ATP2C1: variants seen among roughly 807,000 people sequenced by gnomAD.
The protein encoded by ATP2C1 is ATPase secretory pathway Ca2+ transporting 1, also known as calcium-transporting ATPase type 2C member 1.
A neutral mutation model predicts 120.5 loss-of-function variants in ATP2C1; 31 were observed. That is an observed-to-expected ratio of 0.26 (90% CI 0.19 to 0.35). The LOEUF is 0.35. Ranked by LOEUF, ATP2C1 falls within the 10% of genes least tolerant of loss-of-function variation. ATP2C1 has a pLI of 1.00. For synonymous variants in ATP2C1, 351 were observed against 358.7 expected, an observed-to-expected ratio of 0.98 and a Z score of 0.24; for missense variants, 731 against 1,107.5, an observed-to-expected ratio of 0.66 and a Z score of 4.83.
chr3:130,963,591 G>C, intron 12 of ATP2C1: 1 of 235,560 alleles, frequency 4.2e-6, no homozygotes, highest in South Asian at 5.7e-5. Context: ...TGGCTATCGT[G>C]AATAGTGTTG....
At chr3:130,893,887 T>C (rs1042331621), upstream of ATP2C1, 27 of 980,102 alleles carry the variant, frequency 2.8e-5, 1 homozygote, top group East Asian at 1.1e-4. Context: ...ACCCAAACAT[T>C]GTCCATTCCG....
chr3:131,016,328 GCTC>G, exon 27 of ATP2C1: 5 of 1,614,098 alleles, frequency 3.1e-6, no homozygotes, highest in African/African-American at 1.3e-5. Flanking sequence ...TCTTCCTGCA[GCTC>G]TTCCTTACCT....
chr3:131,013,995 G>T, intron 26 of ATP2C1: 1 of 1,234,264 alleles, frequency 8.1e-7, no homozygotes, highest in Non-Finnish European at 1.1e-6. Flanking sequence ...TTCAAGGGTG[G>T]TAACGGAAGA....
downstream of ATP2C1, among the ~76,000 whole-genome samples, chr3:131,004,965 G>A (rs1025889662): frequency 1.3e-5 from 2 of 152,274 alleles, no homozygotes; most frequent in African/African-American, 4.8e-5. Flanking sequence ...TTTTTGTATC[G>A]TAACATGCTG....
intron 26 of ATP2C1, among the ~76,000 whole-genome samples, 168 bp from the exon 27 acceptor site, chr3:130,999,350 A>G (rs1370300899): frequency 6.6e-6 from 1 of 152,210 alleles, no homozygotes; most frequent in African/African-American, 2.4e-5. Context: ...CTTTTATTCC[A>G]TCTGAATTAT....
intron 2 of ATP2C1, among the ~76,000 whole-genome samples, chr3:130,897,021 T>C (rs1559893540): frequency 6.6e-6 from 1 of 152,220 alleles, no homozygotes; most frequent in Non-Finnish European, 1.5e-5. Flanking sequence ...ATTCAAACAG[T>C]ATCTGGCACA....
chr3:130,999,090 A>G (rs561134594), intron 26 of ATP2C1, among the ~76,000 whole-genome samples: 4 of 152,162 alleles, frequency 2.6e-5, no homozygotes, highest in Non-Finnish European at 4.4e-5. Flanking sequence ...AGAAGCTGTA[A>G]TATTTATTTT....
chr3:130,879,455 G>T (rs1422766956), intron 1 of ATP2C1, among the ~76,000 whole-genome samples: 1 of 151,924 alleles, frequency 6.6e-6, no homozygotes, highest in Non-Finnish European at 1.5e-5. Flanking sequence ...TGATTTTATT[G>T]TATTGTTTAT....
rs2058553141 is a variant in ATP2C1 at position 130,913,714 on chromosome 3, C to A, written c.7-16702C>A. On this transcript the variant is annotated intron_variant, in intron 2 of 27. Transcript: ENST00000510168. Reference sequence around the variant, plus strand: ...TAAAAAGAAGCCTGTATTCTTAGATCTTAAATCTAGTCTCACTATACTAAA... The same window carrying A: ...TAAAAAGAAGCCTGTATTCTTAGATATTAAATCTAGTCTCACTATACTAAA... Among the ~76,000 whole-genome samples, 6 of 152,128 alleles carry A rather than the reference C, an allele frequency of 3.9e-5. No homozygotes were observed. In the South Asian group the frequency reaches 1.2e-3, roughly 31 times the overall value.
intron 26 of ATP2C1, chr3:131,015,828 G>A (rs2063596857): frequency 2.3e-6 from 1 of 439,550 alleles, no homozygotes; most frequent in Non-Finnish European, 4.2e-6. Context: ...TAAAGACTGA[G>A]AGGAAAGGAG....
chr3:130,944,573 TTA>T (rs2060057809), intron 8 of ATP2C1, among the ~76,000 whole-genome samples: 1 of 152,192 alleles, frequency 6.6e-6, no homozygotes, highest in Non-Finnish European at 1.5e-5. Flanking sequence ...CTAACCCTGA[TTA>T]CTTCCCAGGG....
intron 19 of ATP2C1, among the ~76,000 whole-genome samples, chr3:130,979,715 A>G (rs1239286102): frequency 1.3e-5 from 2 of 152,204 alleles, no homozygotes; most frequent in African/African-American, 2.4e-5. Context: ...GCACTAGATC[A>G]TGATTGTCAA....
At chr3:131,014,891 A>G (rs536039557) in intron 26 of ATP2C1, among the ~76,000 whole-genome samples, 4 of 152,350 alleles carry the variant, frequency 2.6e-5, no homozygotes, top group African/African-American at 9.6e-5. Context: ...TAGAACCATC[A>G]TTTAATCAGT....
In ATP2C1 at chr3:131,001,318, A is replaced by T; in HGVS notation, c.2728A>T (p.Ser910Cys). 1 of 1,613,584 alleles carries T rather than the reference A, an allele frequency of 6.2e-7. No individual in the cohort carries two copies. Among genetic ancestry groups the T allele is most frequent in the Non-Finnish European group, 8.5e-7 (1 of 1,179,630 alleles). The change falls in exon 28 of 28, where the codon AGT becomes TGT. Residue 910 changes from serine to cysteine, a missense_variant. By Grantham distance (112) the Ser-to-Cys change is moderately radical. Around this residue, in one of 3 missense-constraint regions of ATP2C1, gnomAD observed 141 missense variants for 201.6 expected, o/e 0.70. Transcript: ENST00000510168. ...RSREKIQKHV[S>C]STSSSFLEV ...CAGGGAAAAGATCCAGAAGCATGTT[A>T]GTTCGACATCATCATCTTTTCTTGA...
At chr3:130,943,138 A>T (rs566066763) in intron 8 of ATP2C1, among the ~76,000 whole-genome samples, 3 of 152,242 alleles carry the variant, frequency 2.0e-5, no homozygotes, top group Non-Finnish European at 4.4e-5. Flanking sequence ...TTCACATGTA[A>T]ACAGGAAAGA....
chr3:130,997,138 T>C (rs1006879041), intron 24 of ATP2C1, among the ~76,000 whole-genome samples: 1 of 152,148 alleles, frequency 6.6e-6, no homozygotes, highest in Non-Finnish European at 1.5e-5. Context: ...TAGGTTCTAC[T>C]GTCAGTTTTA....
intron 1 of ATP2C1, among the ~76,000 whole-genome samples, chr3:130,860,766 C>T (rs1290969827): frequency 1.3e-5 from 2 of 152,170 alleles, no homozygotes; most frequent in African/African-American, 4.8e-5. Flanking sequence ...TCCTTTCTTA[C>T]TTTTTCCTTC....
intron 7 of ATP2C1, among the ~76,000 whole-genome samples, chr3:130,941,254 G>GTC (rs1023949035): frequency 5.4e-5 from 8 of 149,516 alleles, no homozygotes; most frequent in African/African-American, 1.7e-4. Flanking sequence ...GTGTGTGTGT[G>GTC]TGTGTGTGTG....
At chr3:130,871,739 A>G (rs1015604677) in intron 1 of ATP2C1, among the ~76,000 whole-genome samples, 4 of 152,314 alleles carry the variant, frequency 2.6e-5, no homozygotes, top group Admixed American at 2.6e-4. Context: ...AGAAATCTTT[A>G]GGCCAGGGGC....
Sources: allele counts gnomAD v4.1 joint callset (sites outside exome capture counted in the v4.1 genomes callset), GRCh38; gene constraint gnomAD v4.1.1; regional missense constraint gnomAD v4.1.1; transcripts MANE v1.5; gene names NCBI Gene and HGNC (gene_info 2026-07-23, HGNC 2026-07-21).